The following CLIC5 variants were observed in gnomAD, a reference collection of about 807,000 sequenced individuals.
CLIC5 encodes the protein CLIC family member 5, also known as chloride intracellular channel protein 5.
Under a neutral mutation model 24.7 loss-of-function variants are expected in CLIC5, and 20 were observed. The ratio of observed to expected loss-of-function variants is 0.81; its 90% CI spans 0.57 to 1.18. The LOEUF (loss-of-function observed/expected upper bound fraction) is 1.18. CLIC5 is among the 50% of genes most tolerant of loss of function. The probability of loss-of-function intolerance (pLI) is 0.00; values close to 1 mark genes in which losing one functional copy is unlikely to be tolerated. For synonymous variants in CLIC5, 159 were observed against 135.6 expected (o/e 1.17, Z -1.20); for missense variants, 341 against 326.1 (o/e 1.05, Z -0.35).
chr6:45,911,998 C>T (rs1293570191), intron 5 of CLIC5: 30 of 985,564 alleles, frequency 3.0e-5, no homozygotes, highest in South Asian at 4.7e-5. Context: ...AACCTGAAAG[C>T]GAGCCACGCA....
intron 6 of CLIC5, among the ~76,000 whole-genome samples, chr6:45,891,417 C>T (rs989159192): frequency 6.6e-6 from 1 of 152,098 alleles, no homozygotes; most frequent in Non-Finnish European, 1.5e-5. Flanking sequence ...GTGGGTGGAT[C>T]ATGAGGTCAA....
At chr6:46,031,083 CA>C (rs1411827244) in intron 1 of CLIC5, among the ~76,000 whole-genome samples, 6 of 152,214 alleles carry the variant, frequency 3.9e-5, no homozygotes, top group Admixed American at 3.3e-4. Flanking sequence ...TCTCTGTCTA[CA>C]TTTACTCATT....
intron 4 of CLIC5, among the ~76,000 whole-genome samples, chr6:45,916,204 A>C (rs2127316988): frequency 6.6e-6 from 1 of 152,310 alleles, no homozygotes; most frequent in Non-Finnish European, 1.5e-5. Flanking sequence ...GTTTCTCAAT[A>C]CTTTCTTCTC....
intron 5 of CLIC5, chr6:45,913,824 G>GA: frequency 8.1e-7 from 1 of 1,231,102 alleles, no homozygotes; most frequent in Non-Finnish European, 1.0e-6. Flanking sequence ...TGTGCACAAA[G>GA]AAAAAATGCA....
At chr6:45,991,991 A>G (rs2127424286) in intron 1 of CLIC5, among the ~76,000 whole-genome samples, 1 of 152,312 alleles carries the variant, frequency 6.6e-6, no homozygotes, top group South Asian at 2.1e-4. Flanking sequence ...ACAACTTATG[A>G]TCATAGCAAA....
At chr6:46,115,270 C>T in the CLIC5 span, among the ~76,000 whole-genome samples, 7 of 152,322 alleles carry the variant, frequency 4.6e-5, no homozygotes, top group African/African-American at 1.7e-4. Context: ...GAAAAGAGGT[C>T]AGAAATCCAC....
At chr6:45,881,495 C>A (rs1448752559) in intron 6 of CLIC5, among the ~76,000 whole-genome samples, 3 of 152,148 alleles carry the variant, frequency 2.0e-5, no homozygotes, top group African/African-American at 7.2e-5. Flanking sequence ...AGGGCCTCAG[C>A]CTTACTAGCC....
At chr6:46,012,607 C>G (rs1766845688) in intron 1 of CLIC5, among the ~76,000 whole-genome samples, 1 of 152,164 alleles carries the variant, frequency 6.6e-6, no homozygotes, top group Admixed American at 6.5e-5. Context: ...AGGTATCAGG[C>G]CTGACATATA....
intron 1 of CLIC5, among the ~76,000 whole-genome samples, chr6:45,969,472 A>C: frequency 9.1e-6 from 1 of 109,498 alleles, no homozygotes; most frequent in Non-Finnish European, 1.7e-5. Flanking sequence ...TGCTCTATCC[A>C]ACTCCTTCAG....
At chr6:46,007,032 C>T (rs1280660733) in intron 1 of CLIC5, among the ~76,000 whole-genome samples, 1 of 152,164 alleles carries the variant, frequency 6.6e-6, no homozygotes, top group African/African-American at 2.4e-5. Context: ...GCTCCCTCCT[C>T]TGGGGAACCT....
At chr6:45,963,813 T>C (rs1764930000) in intron 1 of CLIC5, among the ~76,000 whole-genome samples, 1 of 152,216 alleles carries the variant, frequency 6.6e-6, no homozygotes. Context: ...CAATTAAATA[T>C]CTTGCCAGTT....
At chr6:46,086,848 T>G in the CLIC5 span, among the ~76,000 whole-genome samples, 1 of 152,276 alleles carries the variant, frequency 6.6e-6, no homozygotes, top group East Asian at 1.9e-4. Context: ...GTCAGATGGT[T>G]TGGCAGAGTC....
chr6:45,945,776 T>C lies in CLIC5; in HGVS notation c.299+3480A>G, dbSNP rs142647658. Among the ~76,000 whole-genome samples, 1,107 of 152,270 alleles carry C rather than the reference T, an allele frequency of 7.3e-3. 19 individuals carry two copies. Among genetic ancestry groups the C allele is most frequent in the Admixed American group, 0.028 (421 of 15,300 alleles). Reference sequence around the variant, plus strand: ...TCTACCTCCCAGAGGGTCAGAACTTTCTTGTTTTTTACTGTGGTGAGTTAT... The same window carrying C: ...TCTACCTCCCAGAGGGTCAGAACTTCCTTGTTTTTTACTGTGGTGAGTTAT... On this transcript the variant is annotated intron_variant, in intron 3 of 5. Transcript: ENST00000339561.
chr6:46,122,381 A>C, the CLIC5 span, among the ~76,000 whole-genome samples: 2 of 152,242 alleles, frequency 1.3e-5, no homozygotes, highest in Non-Finnish European at 2.9e-5. Context: ...TTTGAAACCA[A>C]TGAGAACAAA....
intron 1 of CLIC5, among the ~76,000 whole-genome samples, chr6:46,060,605 T>C (rs569067093): frequency 9.9e-4 from 151 of 152,138 alleles, no homozygotes; most frequent in African/African-American, 3.3e-3. Context: ...TGCTTGAGAG[T>C]GTATGCTTTG....
At chr6:45,894,657 C>T (rs1016651970), downstream of CLIC5, among the ~76,000 whole-genome samples, 13 of 152,298 alleles carry the variant, frequency 8.5e-5, no homozygotes, top group Admixed American at 7.2e-4. Context: ...CAAAGAAGAA[C>T]ATCTTCTTGA....
intron 4 of CLIC5, among the ~76,000 whole-genome samples, chr6:45,918,574 C>G (rs1763120707): frequency 6.6e-6 from 1 of 152,226 alleles, no homozygotes; most frequent in Admixed American, 6.5e-5. Context: ...GCCCAGGTGG[C>G]TGCACGCTCA....
At chr6:46,118,243 T>C in the CLIC5 span, among the ~76,000 whole-genome samples, 1 of 152,376 alleles carries the variant, frequency 6.6e-6, no homozygotes, top group East Asian at 1.9e-4. Context: ...GTTATAAACA[T>C]CTTTGAACTC....
In CLIC5 at chr6:45,989,548, G is replaced by A. The variant is rs1014710856; in HGVS notation, c.63+25932C>T. Among the ~76,000 whole-genome samples the A allele has an allele frequency of 5.3e-5, 8 of 152,108 alleles. No homozygotes were observed. The East Asian group carries it at 7.7e-4, about 15-fold the overall frequency. ...TCTCCAGTGCTGCCCTTACAACATC[G>A]TACTCATGACGTTAATAAGCACGTA... is the stretch of plus-strand genomic sequence containing the variant. On this transcript the variant is annotated intron_variant, in intron 1 of 5. Coordinates refer to ENST00000339561, the MANE Select transcript of CLIC5 (RefSeq NM_016929.5).
Sources: gnomAD v4.1 joint callset for allele counts (sites outside exome capture counted in the v4.1 genomes callset) on GRCh38, gnomAD v4.1.1 for gene constraint, MANE v1.5 for transcripts, NCBI Gene and HGNC (gene_info 2026-07-23, HGNC 2026-07-21) for gene names.